COL4A3: variants seen among roughly 807,000 people sequenced by gnomAD.
COL4A3 encodes collagen type IV alpha 3 chain, also known as collagen alpha-3(IV) chain.
Under a neutral mutation model 217.4 loss-of-function variants are expected in COL4A3, and 135 were observed. The ratio of observed to expected loss-of-function variants is 0.62; its 90% confidence interval spans 0.54 to 0.72. COL4A3 has a LOEUF of 0.72. Among genes scored for constraint, COL4A3 ranks in the 30% least tolerant of loss-of-function variants. COL4A3 has a pLI of 0.00. For synonymous variants in COL4A3, 690 were observed against 736.3 expected (o/e 0.94, Z 1.02); for missense variants, 1,868 against 2,119.9 (o/e 0.88, Z 2.33).
At position 227,164,733 on chromosome 2, in the gene COL4A3, G is replaced by A; in HGVS notation, c.7G>A (p.Ala3Thr). 6.5e-7 allele frequency: 1 copy of A among 1,529,864 alleles called. No homozygotes were observed. The highest frequency in any genetic ancestry group is 8.7e-7 in the Non-Finnish European group (1 of 1,144,972). The allele number at this position is 1,529,864 out of a possible 1,614,324, so 94.8% of individuals were successfully genotyped here. Residue 3 changes from alanine to threonine, a missense_variant, in exon 1 of 52, where the codon GCC becomes ACC. Ala to Thr is a moderately conservative substitution (Grantham distance 58). Coordinates refer to ENST00000396578, the MANE Select transcript of COL4A3 (RefSeq NM_000091.5). The surrounding 1 kb of genome is among the most constrained non-coding windows in gnomAD (Gnocchi z 4.8). Reference protein sequence around the residue: MSARTAPRPQVLL... With the variant: MSTRTAPRPQVLL... ...CTCTGAGCGCGCGCCCACCATGAGC[G>A]CCCGGACCGCCCCCAGGCCGCAGGT... is the stretch of plus-strand genomic sequence containing the variant.
At chr2:227,244,844 A>G in intron 4 of COL4A3, 107 bp from the exon 5 acceptor site, 1 of 1,146,826 alleles carries the variant, frequency 8.7e-7, no homozygotes, top group Non-Finnish European at 1.3e-6. Flanking sequence ...TCCCAGTTAT[A>G]GTGGAGGAAA....
In COL4A3 at chr2:227,176,158, T is replaced by A. The variant is rs143330489; in HGVS notation, c.87+11345T>A. ...CTAGATCAACATGGCAATTGCTCAG[T>A]CTGTCCCGTTTAATTGATTTGGTGC... On this transcript the variant is annotated intron_variant, in intron 1 of 51. Transcript: ENST00000396578. Among the ~76,000 whole-genome samples, 608 of 152,324 alleles carry A rather than the reference T, an allele frequency of 4.0e-3. 2 individuals carry two copies. Among genetic ancestry groups the A allele is most frequent in the Non-Finnish European group, 7.6e-3 (517 of 68,030 alleles).
intron 29 of COL4A3, 102 bp from the exon 30 acceptor site, chr2:227,280,338 T>A (rs2071875054): frequency 7.8e-7 from 1 of 1,286,606 alleles, no homozygotes; most frequent in Non-Finnish European, 1.1e-6. Context: ...GATGACATGG[T>A]AGTGGCTGTG....
chr2:227,208,135 C>A (rs1210733804), intron 1 of COL4A3, among the ~76,000 whole-genome samples: 1 of 151,210 alleles, frequency 6.6e-6, no homozygotes, highest in Non-Finnish European at 1.5e-5. Flanking sequence ...TGTCCTTGTT[C>A]ATTCCTGGGC....
intron 1 of COL4A3, among the ~76,000 whole-genome samples, chr2:227,220,107 C>A (rs1017710959): frequency 4.0e-5 from 6 of 148,894 alleles, no homozygotes; most frequent in African/African-American, 1.2e-4. Context: ...ATTAATGGAC[C>A]AGAGCTTCTT....
At position 227,253,890 on chromosome 2, in the gene COL4A3, A is replaced by C. The variant is rs1161406462; in HGVS notation, c.766-222A>C. The stretch of plus-strand genomic sequence containing the variant: ...CTTCATTTAAAAAAAAAAACAACAA[A>C]AAAAAGATACTTAAAAAAAAGCTTG... On this transcript the variant is annotated intron_variant, in intron 13 of 51. Coordinates refer to ENST00000396578, the MANE Select transcript of COL4A3 (RefSeq NM_000091.5). The surrounding 1 kb of genome is among the most constrained non-coding windows in gnomAD (Gnocchi z 4.4). Among the ~76,000 whole-genome samples, 1 of 152,164 alleles carries C rather than the reference A, an allele frequency of 6.6e-6. No homozygotes were observed. Among genetic ancestry groups the C allele is most frequent in the Non-Finnish European group, 1.5e-5 (1 of 68,044 alleles).
chr2:227,201,950 T>C (rs1055964617), intron 1 of COL4A3, among the ~76,000 whole-genome samples: 1 of 152,212 alleles, frequency 6.6e-6, no homozygotes, highest in Non-Finnish European at 1.5e-5. Context: ...ATGGAAACTA[T>C]AGCACACTTT....
chr2:227,193,081 A>T (rs946708333), intron 1 of COL4A3, among the ~76,000 whole-genome samples: 1 of 152,204 alleles, frequency 6.6e-6, no homozygotes, highest in African/African-American at 2.4e-5. Flanking sequence ...TAGTTTAGAG[A>T]AACTGAATAA....
At chr2:227,244,868 T>C in intron 4 of COL4A3, 83 bp from the exon 5 acceptor site, 1 of 1,362,876 alleles carries the variant, frequency 7.3e-7, no homozygotes, top group South Asian at 1.2e-5. Context: ...ATTATCGCAA[T>C]GGTAAATAAA....
At position 227,250,767 on chromosome 2, in the gene COL4A3, G is replaced by A. The variant is rs1192471364; in HGVS notation, c.547-373G>A. Among the ~76,000 whole-genome samples the A allele has an allele frequency of 6.6e-6, 1 of 152,274 alleles. No individual in the cohort carries two copies. The highest frequency in any genetic ancestry group is 1.9e-4 in the East Asian group (1 of 5,170). ...AGGGAGTGAGTTATACTGATACCTG[G>A]GAAAAGGGGATTCTAGGCAGAGGGA... On this transcript the variant is annotated intron_variant, in intron 9 of 51. Transcript: ENST00000396578. The surrounding 1 kb of genome is among the most constrained non-coding windows in gnomAD (Gnocchi z 4.1).
Position 227,250,615 on chromosome 2 carries a change from C to T in COL4A3, c.547-525C>T, listed in dbSNP as rs1015231718. On this transcript the variant is annotated intron_variant, in intron 9 of 51. Coordinates refer to ENST00000396578, the MANE Select transcript of COL4A3 (RefSeq NM_000091.5). This position sits in a 1 kb window ranked among gnomAD's most constrained non-coding sequence, Gnocchi z 4.1. The stretch of plus-strand genomic sequence containing the variant: ...CTCTATGGTGTGTGAGTAATAAATG[C>T]TAAAAGTAAAAATAATGCACGAAAG... 2.0e-5 allele frequency among the ~76,000 whole-genome samples: 3 copies of T among 151,934 alleles called. No homozygotes were observed. Among genetic ancestry groups the T allele is most frequent in the Non-Finnish European group, 4.4e-5 (3 of 68,002 alleles).
intron 1 of COL4A3, among the ~76,000 whole-genome samples, chr2:227,200,558 G>T (rs1437302585): frequency 6.6e-6 from 1 of 152,156 alleles, no homozygotes; most frequent in Admixed American, 6.5e-5. Context: ...AGGCGCTGGT[G>T]CATGTTTCTA....
intron 1 of COL4A3, among the ~76,000 whole-genome samples, chr2:227,231,544 A>G (rs959354767): frequency 1.4e-4 from 21 of 151,762 alleles, no homozygotes; most frequent in African/African-American, 5.1e-4. Flanking sequence ...TTTCTGAAAC[A>G]GGGTCTCATT....
At chr2:227,288,439 T>C (rs2072475975) in intron 34 of COL4A3, among the ~76,000 whole-genome samples, 1 of 152,154 alleles carries the variant, frequency 6.6e-6, no homozygotes. Context: ...ATCAAAGTCA[T>C]GTTTTAGGGA....
chr2:227,304,611 C>T (rs1462098383), intron 46 of COL4A3, among the ~76,000 whole-genome samples: 1 of 152,144 alleles, frequency 6.6e-6, no homozygotes, highest in East Asian at 1.9e-4. Context: ...CACAGCATAT[C>T]GTAATAGGCT....
chr2:227,280,322 A>C, intron 29 of COL4A3, 118 bp from the exon 30 acceptor site: 2 of 1,135,940 alleles, frequency 1.8e-6, no homozygotes, highest in Non-Finnish European at 2.6e-6. Context: ...CTCAAAAAGG[A>C]AAGTTGATGA....
chr2:227,240,580 G>A (rs34358951), intron 3 of COL4A3, among the ~76,000 whole-genome samples: 26,703 of 151,976 alleles, frequency 0.18, 2,553 homozygotes, highest in East Asian at 0.26. Context: ...CCCATCTTTG[G>A]GATTCCTTGT....
At position 227,263,876 on chromosome 2, in the gene COL4A3, C is replaced by A; in HGVS notation, c.1247C>A (p.Thr416Asn). Residue 416 changes from threonine (T) to asparagine (N), a missense_variant, in exon 21 of 52, where the codon ACT becomes AAT. Thr to Asn is a moderately conservative substitution (Grantham distance 65, BLOSUM62 0). Transcript: ENST00000396578. ...RGRPGKDAMG[T>N]PGSPGCAGSP... ...CGCCCAGGAAAGGATGCCATGGGGA[C>A]TCCTGGGTCCCCAGGTTGTGCTGGT... The A allele has an allele frequency of 1.2e-6, 2 of 1,614,172 alleles. No homozygotes were observed. The highest frequency in any genetic ancestry group is 2.2e-5 in the South Asian group (2 of 91,086).
Position 227,263,978 on chromosome 2 carries a change from A to T in COL4A3, c.1315+34A>T, listed in dbSNP as rs1453638814. The T allele has an allele frequency of 6.8e-6, 11 of 1,613,394 alleles. No homozygotes were observed. The East Asian group carries it at 2.5e-4, about 36-fold the overall frequency. On this transcript the variant is annotated intron_variant, in intron 21 of 51. Transcript: ENST00000396578. ...GTGGAAGGGGACCCCTTTTGTGCAC[A>T]GTGCCAAATGACAGATGTGTGCAAA...
Sources: gnomAD v4.1 joint callset for allele counts (sites outside exome capture counted in the v4.1 genomes callset) on GRCh38, gnomAD v4.1.1 for gene constraint, Gnocchi (gnomAD v3.1) non-coding constraint, MANE v1.5 for transcripts, NCBI Gene and HGNC (gene_info 2026-07-23, HGNC 2026-07-21) for gene names.